Variants in SLC25A31 observed in about 807,000 individuals in gnomAD.
The protein encoded by SLC25A31 is ADP/ATP translocase 4.
SLC25A31 carries 40 observed loss-of-function variants against 36.2 expected under a neutral mutation model. The ratio of observed to expected loss-of-function variants is 1.10; its 90% CI spans 0.86 to 1.44. SLC25A31 has a LOEUF of 1.44. Among genes scored for constraint, SLC25A31 ranks in the 40% most tolerant of loss-of-function variants. The pLI is 0.00. For synonymous variants in SLC25A31, 143 were observed against 149.7 expected (o/e 0.96, Z 0.32); for missense variants, 350 against 397.1 (o/e 0.88, Z 1.01).
At chr4:127,765,471 T>G (rs1732223411) in intron 3 of SLC25A31, among the ~76,000 whole-genome samples, 1 of 152,194 alleles carries the variant, frequency 6.6e-6, no homozygotes, top group Admixed American at 6.5e-5. Context: ...ATTTCATTAT[T>G]ATTAATGTAA....
Position 127,744,763 on chromosome 4 carries a change from G to C in SLC25A31, c.324G>C (p.Lys108Asn). Residue 108 changes from lysine to asparagine, a missense_variant, in exon 2 of 6, where the codon AAG (lysine) becomes AAC (asparagine). Transcript: ENST00000281154. ...ALNFAFKDKY[K>N]QLFMSGVNKE... is the part of the protein sequence containing the mutation. ...ACTTTGCTTTTAAGGACAAATACAA[G>C]CAGCTATTCATGTCTGGAGTTAATA... The C allele has an allele frequency of 6.3e-7, 1 of 1,592,094 alleles. No homozygotes were observed. The highest frequency in any genetic ancestry group is 8.6e-7 in the Non-Finnish European group (1 of 1,165,090).
chr4:127,730,418 C>T lies in SLC25A31; in HGVS notation c.-128C>T, dbSNP rs1731490945. 1 of 1,037,486 alleles carries T rather than the reference C, an allele frequency of 9.6e-7. No individual in the cohort carries two copies. The highest frequency in any genetic ancestry group is 2.6e-5 in the East Asian group (1 of 38,236). 64.3% of individuals were successfully genotyped at this position (1,037,486 alleles called of 1,614,324 possible). On this transcript the variant is annotated 5_prime_UTR_variant, in exon 1 of 6. Transcript: ENST00000281154. ...GCGCCTCGCCGGCGCGCGGCTCTCT[C>T]AGCGTCCCAAGAGCCACTTTCTCGC...
At chr4:127,762,586 A>T (rs1265925024) in intron 2 of SLC25A31, among the ~76,000 whole-genome samples, 1 of 152,174 alleles carries the variant, frequency 6.6e-6, no homozygotes, top group Non-Finnish European at 1.5e-5. Flanking sequence ...AATTATACTT[A>T]GTAAAGCTGT....
At chr4:127,742,201 G>T (rs1731744939) in intron 1 of SLC25A31, among the ~76,000 whole-genome samples, 1 of 152,070 alleles carries the variant, frequency 6.6e-6, no homozygotes, top group Non-Finnish European at 1.5e-5. Flanking sequence ...TGGAACTGAT[G>T]TTTATTGTTT....
rs1393088632 is a variant in SLC25A31, at chr4:127,744,753, A to T, written c.314A>T (p.Asp105Val). The change falls in exon 2 of 6, where the codon GAC becomes GTC. Residue 105 changes from aspartate to valine, a missense_variant. Coordinates refer to ENST00000281154, the MANE Select transcript of SLC25A31 (RefSeq NM_031291.4). ...PTQALNFAFK[D>V]KYKQLFMSGV... Reference sequence around the variant, plus strand: ...CAAGCTCTAAACTTTGCTTTTAAGGACAAATACAAGCAGCTATTCATGTCT... The same window carrying T: ...CAAGCTCTAAACTTTGCTTTTAAGGTCAAATACAAGCAGCTATTCATGTCT... 2 of 1,598,772 alleles carry T rather than the reference A, an allele frequency of 1.3e-6. No homozygotes were observed. Among genetic ancestry groups the T allele is most frequent in the East Asian group, 2.2e-5 (1 of 44,654 alleles).
Position 127,773,729 on chromosome 4 carries a change from C to A in SLC25A31, c.*155C>A. The A allele has an allele frequency of 1.8e-6, 1 of 548,720 alleles. No homozygotes were observed. The highest frequency in any genetic ancestry group is 5.1e-5 in the South Asian group (1 of 19,680). 34.0% of individuals were successfully genotyped at this position (548,720 alleles called of 1,614,324 possible). A position where few individuals can be genotyped will look rare whatever the true frequency, so the allele number is the denominator to read the frequency against. On this transcript the variant is annotated 3_prime_UTR_variant, in exon 6 of 6. Coordinates refer to ENST00000281154, the MANE Select transcript of SLC25A31 (RefSeq NM_031291.4). ...ATACATTTTTTCAAGAATTTAAATA[C>A]TAAAAATCAGATAAATGTGGATTTT...
intron 2 of SLC25A31, among the ~76,000 whole-genome samples, chr4:127,755,576 A>G (rs1341931091): frequency 1.3e-5 from 2 of 152,230 alleles, no homozygotes; most frequent in Non-Finnish European, 2.9e-5. Flanking sequence ...TGCAAATTAA[A>G]ACCGCTTTGA....
At chr4:127,750,485 G>T (rs887914477) in intron 2 of SLC25A31, among the ~76,000 whole-genome samples, 1 of 152,086 alleles carries the variant, frequency 6.6e-6, no homozygotes, top group African/African-American at 2.4e-5. Flanking sequence ...TGTCAAATTT[G>T]AAATACTCTA....
chr4:127,764,450 AC>A, intron 3 of SLC25A31, 90 bp downstream of exon 3: 1 of 1,094,704 alleles, frequency 9.1e-7, no homozygotes, highest in Non-Finnish European at 1.4e-6. Context: ...TAATAGTGTT[AC>A]CAGATAAAGT....
chr4:127,745,053 T>C (rs941975191), intron 2 of SLC25A31, among the ~76,000 whole-genome samples: 1 of 152,182 alleles, frequency 6.6e-6, no homozygotes, highest in Non-Finnish European at 1.5e-5. Flanking sequence ...ATATTACACT[T>C]AATGTAATTT....
chr4:127,741,655 G>A (rs902266217), intron 1 of SLC25A31, among the ~76,000 whole-genome samples: 4 of 152,004 alleles, frequency 2.6e-5, no homozygotes, highest in Non-Finnish European at 5.9e-5. Flanking sequence ...TTTGTTCATT[G>A]GAATATTGGC....
chr4:127,755,490 AG>A (rs1732012369), intron 2 of SLC25A31, among the ~76,000 whole-genome samples: 2 of 152,236 alleles, frequency 1.3e-5, no homozygotes, highest in Admixed American at 6.5e-5. Flanking sequence ...AAACCTAAAG[AG>A]ACACTTCTCA....
intron 1 of SLC25A31, among the ~76,000 whole-genome samples, chr4:127,732,747 A>G (rs955317485): frequency 2.0e-5 from 3 of 152,166 alleles, no homozygotes; most frequent in African/African-American, 4.8e-5. Context: ...GATGTTTTCT[A>G]TTATATATAA....
At chr4:127,751,899 C>G (rs1413505753) in intron 2 of SLC25A31, among the ~76,000 whole-genome samples, 2 of 151,966 alleles carry the variant, frequency 1.3e-5, no homozygotes, top group Admixed American at 1.3e-4. Context: ...GAATGGCAAT[C>G]ATTAAAAAGT....
At position 127,730,740 on chromosome 4, in the gene SLC25A31, C is replaced by T; in HGVS notation, c.195C>T (p.Gly65=). 2 of 1,613,590 alleles carry T rather than the reference C, an allele frequency of 1.2e-6. No homozygotes were observed. The highest frequency in any genetic ancestry group is 1.7e-4 in the Middle Eastern group (1 of 6,036). The change falls in exon 1 of 6, where the codon GGC becomes GGT. Residue 65 remains glycine (G), a synonymous_variant. Coordinates refer to ENST00000281154, the MANE Select transcript of SLC25A31 (RefSeq NM_031291.4). The part of the protein sequence containing the change: ...KQISPEARYK[G]MVDCLVRIPR... ...TCAGCCCCGAGGCGCGGTACAAAGG[C>T]ATGGTGGACTGCCTGGTGCGGATTC...
intron 1 of SLC25A31, among the ~76,000 whole-genome samples, chr4:127,734,102 T>C (rs1475242361): frequency 2.0e-5 from 3 of 152,260 alleles, no homozygotes; most frequent in African/African-American, 7.2e-5. Flanking sequence ...AAATAATGCA[T>C]AATTATTGTA....
chr4:127,751,106 C>T (rs1578662510), intron 2 of SLC25A31, among the ~76,000 whole-genome samples: 1 of 152,096 alleles, frequency 6.6e-6, no homozygotes, highest in East Asian at 1.9e-4. Flanking sequence ...AAAGAGCCCA[C>T]CTTGCCAAGT....
rs1731490698 is a variant in SLC25A31 at position 127,730,413 on chromosome 4, T to C, written c.-133T>C. 5.1e-6 allele frequency: 5 copies of C among 988,212 alleles called. No individual in the cohort carries two copies. Among genetic ancestry groups the C allele is most frequent in the Non-Finnish European group, 7.4e-6 (5 of 678,082 alleles). The allele number at this position is 988,212 out of a possible 1,614,324, so 61.2% of individuals were successfully genotyped here. On this transcript the variant is annotated 5_prime_UTR_variant, in exon 1 of 6. Coordinates refer to ENST00000281154, the MANE Select transcript of SLC25A31 (RefSeq NM_031291.4). ...CGCACGCGCCTCGCCGGCGCGCGGCTCTCTCAGCGTCCCAAGAGCCACTTT... is the reference window on the plus strand; with the variant it reads ...CGCACGCGCCTCGCCGGCGCGCGGCCCTCTCAGCGTCCCAAGAGCCACTTT...
At chr4:127,757,237 A>G (rs1732048259) in intron 2 of SLC25A31, among the ~76,000 whole-genome samples, 1 of 152,194 alleles carries the variant, frequency 6.6e-6, no homozygotes, top group Non-Finnish European at 1.5e-5. Context: ...CCCATCAACC[A>G]AATAGTCAAC....
Sources: allele counts gnomAD v4.1 joint callset (sites outside exome capture counted in the v4.1 genomes callset), GRCh38; gene constraint gnomAD v4.1.1; transcripts MANE v1.5; gene names NCBI Gene and HGNC (gene_info 2026-07-23, HGNC 2026-07-21).